Variants in OSBPL1A observed in about 807,000 individuals in gnomAD.
OSBPL1A encodes the protein oxysterol binding protein like 1A.
A neutral mutation model predicts 137.1 loss-of-function variants in OSBPL1A; 80 were observed. The ratio of observed to expected loss-of-function variants is 0.58; its 90% confidence interval spans 0.49 to 0.70. The LOEUF is 0.70. OSBPL1A is among the 30% of genes least tolerant of loss of function. OSBPL1A has a pLI of 0.00. For missense variants in OSBPL1A, 970 were observed against 1,129.4 expected (o/e 0.86, Z 2.02); for synonymous variants, 365 against 389.7 (o/e 0.94, Z 0.75).
At chr18:24,371,138 C>T (rs937326522) in intron 2 of OSBPL1A, among the ~76,000 whole-genome samples, 6 of 152,116 alleles carry the variant, frequency 3.9e-5, no homozygotes, top group Non-Finnish European at 7.4e-5. Flanking sequence ...AGAAGTACAA[C>T]GAGCCCAGTT....
chr18:24,175,479 C>A (rs938597531), intron 21 of OSBPL1A, among the ~76,000 whole-genome samples: 2 of 152,034 alleles, frequency 1.3e-5, no homozygotes, highest in African/African-American at 2.4e-5. Context: ...TGAGTCACTG[C>A]GCCTGACCTT....
intron 15 of OSBPL1A, among the ~76,000 whole-genome samples, chr18:24,256,112 T>C (rs985022357): frequency 2.6e-5 from 4 of 152,166 alleles, no homozygotes; most frequent in African/African-American, 7.2e-5. Context: ...CTAAATTAAC[T>C]GAGACCTGTC....
chr18:24,395,093 C>A (rs1907645460), intron 1 of OSBPL1A, among the ~76,000 whole-genome samples: 2 of 152,186 alleles, frequency 1.3e-5, no homozygotes. Context: ...CTGACAGTGT[C>A]TTTTCTTAAA....
intron 14 of OSBPL1A, 130 bp from the exon 15 acceptor site, chr18:24,281,078 G>A: frequency 1.8e-6 from 1 of 541,032 alleles, no homozygotes. Context: ...AACATATCAT[G>A]TTTCTTTTCT....
At chr18:24,255,454 CAA>C (rs2089242407) in intron 15 of OSBPL1A, among the ~76,000 whole-genome samples, 1 of 152,140 alleles carries the variant, frequency 6.6e-6, no homozygotes, top group African/African-American at 2.4e-5. Context: ...CCACTCTATT[CAA>C]AGTGTCCCCT....
chr18:24,278,938 ATTAAAAAAT>A (rs1197001297), intron 15 of OSBPL1A, among the ~76,000 whole-genome samples: 4 of 152,224 alleles, frequency 2.6e-5, no homozygotes, highest in Admixed American at 2.0e-4. Flanking sequence ...TTCAAACAGT[ATTAAAAAAT>A]CAACCATTTG....
At chr18:24,307,025 G>T (rs922948183) in intron 13 of OSBPL1A, among the ~76,000 whole-genome samples, 2 of 151,176 alleles carry the variant, frequency 1.3e-5, no homozygotes, top group African/African-American at 2.4e-5. Flanking sequence ...GGGAGGCTGA[G>T]GCAAAAGAAT....
At chr18:24,317,787 T>G (rs1271242479) in intron 9 of OSBPL1A, among the ~76,000 whole-genome samples, 3 of 152,148 alleles carry the variant, frequency 2.0e-5, no homozygotes, top group Admixed American at 6.5e-5. Flanking sequence ...TACAGATACA[T>G]AAATAGATTA....
chr18:24,254,885 A>G (rs1445375501), intron 15 of OSBPL1A, among the ~76,000 whole-genome samples: 1 of 152,176 alleles, frequency 6.6e-6, no homozygotes, highest in Non-Finnish European at 1.5e-5. Flanking sequence ...GAAGTGAGGA[A>G]AATAGAAAGA....
At chr18:24,314,692 C>T (rs1033057484) in intron 11 of OSBPL1A, among the ~76,000 whole-genome samples, 2 of 152,012 alleles carry the variant, frequency 1.3e-5, no homozygotes, top group African/African-American at 2.4e-5. Flanking sequence ...TCATACCCGT[C>T]GCCTTACCTT....
chr18:24,163,483 T>TA (rs1277167804), intron 27 of OSBPL1A, among the ~76,000 whole-genome samples: 1 of 152,206 alleles, frequency 6.6e-6, no homozygotes, highest in Non-Finnish European at 1.5e-5. Context: ...GGGGTAATGA[T>TA]ACCATGCAAA....
At chr18:24,277,212 A>G (rs148944700) in intron 15 of OSBPL1A, among the ~76,000 whole-genome samples, 3 of 152,354 alleles carry the variant, frequency 2.0e-5, no homozygotes, top group African/African-American at 7.2e-5. Context: ...TAAGGCACAG[A>G]ATAATTATTG....
At position 24,164,653 on chromosome 18, in the gene OSBPL1A, CT is replaced by C. The variant is rs1383112580; in HGVS notation, c.2750+411del. Among the ~76,000 whole-genome samples, 4 of 151,992 alleles carry C rather than the reference CT, an allele frequency of 2.6e-5. No individual in the cohort carries two copies. In the East Asian group the frequency reaches 7.8e-4, roughly 29 times the overall value. On this transcript the variant is annotated intron_variant, in intron 27 of 27. Transcript: ENST00000319481. ...CCATGTTAGCCAGGATGGTCTGGATCTCCTGACCTCATGATCCGCCCGCCTC... is the reference window on the plus strand; with the variant it reads ...CCATGTTAGCCAGGATGGTCTGGATCCCTGACCTCATGATCCGCCCGCCTC...
intron 15 of OSBPL1A, among the ~76,000 whole-genome samples, chr18:24,250,710 CT>C (rs1427329732): frequency 1.3e-5 from 2 of 152,164 alleles, no homozygotes; most frequent in Non-Finnish European, 2.9e-5. Context: ...AAAGACTCCT[CT>C]TTGAAAAAAG....
At chr18:24,181,618 C>T (rs1043669127) in intron 18 of OSBPL1A, among the ~76,000 whole-genome samples, 37 of 152,290 alleles carry the variant, frequency 2.4e-4, no homozygotes, top group African/African-American at 8.9e-4. Flanking sequence ...GGAGACAGAA[C>T]AAAATTCTTC....
chr18:24,274,026 G>A (rs2089787323), intron 15 of OSBPL1A, among the ~76,000 whole-genome samples: 1 of 152,100 alleles, frequency 6.6e-6, no homozygotes, highest in Admixed American at 6.5e-5. Flanking sequence ...TTGAGGTCAG[G>A]AGTTCTAGAC....
rs116363778 is a variant in OSBPL1A at position 24,237,848 on chromosome 18, C to G, written c.1444+1372G>C. ...GCTAAATACTTCCCTTGCCTTGTCA[C>G]TCATTCCATCGATCTCAAATCCTAC... On this transcript the variant is annotated intron_variant, in intron 16 of 27. Transcript: ENST00000319481. Among the ~76,000 whole-genome samples, 316 of 152,298 alleles carry G rather than the reference C, an allele frequency of 2.1e-3. 2 individuals carry two copies. The highest frequency in any genetic ancestry group is 7.0e-3 in the African/African-American group (293 of 41,570).
At chr18:24,380,887 G>A (rs1383906221) in intron 1 of OSBPL1A, among the ~76,000 whole-genome samples, 9 of 151,710 alleles carry the variant, frequency 5.9e-5, no homozygotes, top group African/African-American at 1.9e-4. Flanking sequence ...AGGAGGCGGA[G>A]GTTGCAGTGA....
chr18:24,170,917 G>C (rs1340388544), intron 23 of OSBPL1A, among the ~76,000 whole-genome samples: 1 of 144,246 alleles, frequency 6.9e-6, no homozygotes, highest in Non-Finnish European at 1.6e-5. Context: ...CAAAGTGCTG[G>C]GAATACAGGC....
Sources: allele counts gnomAD v4.1 joint callset (sites outside exome capture counted in the v4.1 genomes callset), GRCh38; gene constraint gnomAD v4.1.1; transcripts MANE v1.5; gene names NCBI Gene and HGNC (gene_info 2026-07-23, HGNC 2026-07-21).